Variants in CCDC186 observed in about 807,000 individuals in gnomAD.
CCDC186 encodes coiled-coil domain containing 186.
CCDC186 carries 49 observed loss-of-function variants against 113.7 expected under a neutral mutation model. The observed-to-expected ratio is 0.43, with a 90% CI of 0.34 to 0.55. The LOEUF is 0.55. CCDC186 is among the 20% of genes least tolerant of loss of function. The pLI, the probability that CCDC186 is intolerant of heterozygous loss-of-function variation, is 0.02. For synonymous variants in CCDC186, 355 were observed against 345.8 expected (o/e 1.03, Z -0.30); for missense variants, 890 against 1,011.1 (o/e 0.88, Z 1.62).
intron 13 of CCDC186, among the ~76,000 whole-genome samples, chr10:114,128,244 A>C (rs1045672833): frequency 6.6e-6 from 1 of 152,224 alleles, no homozygotes; most frequent in African/African-American, 2.4e-5. Context: ...AGCATTATGT[A>C]GTGTTAGGTA....
At chr10:114,165,641 G>T (rs769850506) in intron 1 of CCDC186, among the ~76,000 whole-genome samples, 3 of 152,196 alleles carry the variant, frequency 2.0e-5, no homozygotes, top group Non-Finnish European at 2.9e-5. Flanking sequence ...AGTGAGCCAA[G>T]ATTGCGCCAC....
Position 114,131,344 on chromosome 10 carries a change from G to A in CCDC186, c.1912-8C>T, listed in dbSNP as rs749565293. 7 of 1,537,744 alleles carry A rather than the reference G, an allele frequency of 4.6e-6. No individual in the cohort carries two copies. The highest frequency in any genetic ancestry group is 2.4e-5 in the East Asian group (1 of 41,240). The stretch of plus-strand genomic sequence containing the variant: ...TTTCAACAACCTACTTTCCTGAATA[G>A]TAAGTAAAACAAAAACCACCAATTT... On this transcript the variant is annotated splice_region_variant and splice_polypyrimidine_tract_variant and intron_variant, in intron 11 of 15. Transcript: ENST00000369287.
At chr10:114,159,036 C>T (rs75421292) in intron 2 of CCDC186, among the ~76,000 whole-genome samples, 1,952 of 152,236 alleles carry the variant, frequency 0.013, 40 homozygotes, top group African/African-American at 0.044. Context: ...GAGCGAAAAG[C>T]CAGAGAGTGA....
intron 1 of CCDC186, among the ~76,000 whole-genome samples, chr10:114,166,551 C>T (rs2032340614): frequency 6.6e-6 from 1 of 152,338 alleles, no homozygotes; most frequent in African/African-American, 2.4e-5. Context: ...TGTACTTGCA[C>T]GAAGATGGAA....
At chr10:114,152,580 G>A (rs963924996) in intron 3 of CCDC186, among the ~76,000 whole-genome samples, 4 of 152,148 alleles carry the variant, frequency 2.6e-5, no homozygotes, top group African/African-American at 9.7e-5. Context: ...GGCAGTGAAG[G>A]AGGAATAGGG....
At chr10:114,146,427 T>C (rs777743687) in intron 4 of CCDC186, among the ~76,000 whole-genome samples, 22 of 152,346 alleles carry the variant, frequency 1.4e-4, no homozygotes, top group Admixed American at 8.5e-4. Flanking sequence ...CCTGACTGTA[T>C]AGCCGACAAT....
Position 114,137,706 on chromosome 10 carries a change from C to T in CCDC186, c.1222-416G>A, listed in dbSNP as rs142970008. Among the ~76,000 whole-genome samples the T allele has an allele frequency of 3.6e-3, 552 of 152,058 alleles. 7 individuals carry two copies. The highest frequency in any genetic ancestry group is 0.012 in the African/African-American group (518 of 41,482). The stretch of plus-strand genomic sequence containing the variant: ...TAACCTAAGATCAGGAACTTGAGAC[C>T]AGCCTGACCAGCATGGTGAAACCCC... On this transcript the variant is annotated intron_variant, in intron 6 of 15. Coordinates refer to ENST00000369287, the MANE Select transcript of CCDC186 (RefSeq NM_018017.4).
intron 1 of CCDC186, among the ~76,000 whole-genome samples, chr10:114,172,419 G>A (rs1041195542): frequency 6.6e-6 from 1 of 152,172 alleles, no homozygotes; most frequent in African/African-American, 2.4e-5. Flanking sequence ...AGCATTAAAG[G>A]ACAACTCTAC....
At chr10:114,159,640 CAAAAAA>C (rs34339225) in intron 2 of CCDC186, among the ~76,000 whole-genome samples, 2 of 55,492 alleles carry the variant, frequency 3.6e-5, no homozygotes, top group African/African-American at 6.1e-5. Flanking sequence ...GACTCCGTCT[CAAAAAA>C]AAAAAAAAAA....
rs543776594 is a variant in CCDC186 at position 114,122,466 on chromosome 10, T to C, written c.*2677A>G. 6 of 152,266 alleles carry C rather than the reference T, an allele frequency of 3.9e-5. No individual in the cohort carries two copies. Among genetic ancestry groups the C allele is most frequent in the African/African-American group, 1.4e-4 (6 of 41,560 alleles). 9.4% of individuals were successfully genotyped at this position (152,266 alleles called of 1,614,324 possible). A position where few individuals can be genotyped will look rare whatever the true frequency, so the allele number is the denominator to read the frequency against. On this transcript the variant is annotated 3_prime_UTR_variant, in exon 16 of 16. Coordinates refer to ENST00000369287, the MANE Select transcript of CCDC186 (RefSeq NM_018017.4). ...ATATTCACTTCAAAATTAAAACCTA[T>C]TGAAGTGTATACATATACATACACA...
intron 13 of CCDC186, 56 bp downstream of exon 13, chr10:114,129,835 T>C (rs1372758204): frequency 1.3e-6 from 2 of 1,545,030 alleles, no homozygotes; most frequent in Admixed American, 3.4e-5. Flanking sequence ...TGGCCAAAAA[T>C]GCTATTTATT....
At chr10:114,136,088 CTATTTCTCTTTCTGTA>C in intron 8 of CCDC186, 44 bp downstream of exon 8, 1 of 1,523,440 alleles carries the variant, frequency 6.6e-7, no homozygotes, top group Non-Finnish European at 9.1e-7. Flanking sequence ...TAAGTTCTCA[CTATTTCTCTTTCTGTA>C]TTTATTATGC....
At chr10:114,160,882 C>T (rs936181749) in intron 2 of CCDC186, among the ~76,000 whole-genome samples, 1 of 152,062 alleles carries the variant, frequency 6.6e-6, no homozygotes, top group Non-Finnish European at 1.5e-5. Context: ...AAAAATTAAC[C>T]TTGATTTAAA....
At chr10:114,155,325 G>T (rs1225323734) in intron 3 of CCDC186, among the ~76,000 whole-genome samples, 2 of 152,180 alleles carry the variant, frequency 1.3e-5, no homozygotes, top group African/African-American at 4.8e-5. Flanking sequence ...GCAACACTGA[G>T]CAATAGAAGT....
chr10:114,142,678 T>G (rs1157821958), intron 6 of CCDC186, among the ~76,000 whole-genome samples: 1 of 152,200 alleles, frequency 6.6e-6, no homozygotes, highest in Admixed American at 6.5e-5. Context: ...CACCTACTCT[T>G]AAGTTCTGGT....
At chr10:114,142,734 C>T (rs1046211209) in intron 6 of CCDC186, among the ~76,000 whole-genome samples, 2 of 152,140 alleles carry the variant, frequency 1.3e-5, no homozygotes, top group African/African-American at 2.4e-5. Context: ...CACAATGGAT[C>T]CAGTAAGCTA....
chr10:114,164,205 C>G (rs1322667974), intron 1 of CCDC186, among the ~76,000 whole-genome samples: 1 of 144,298 alleles, frequency 6.9e-6, no homozygotes, highest in African/African-American at 2.6e-5. Flanking sequence ...ACTGCTACCT[C>G]TGCCTCCCAG....
chr10:114,125,174 T>A lies in CCDC186; in HGVS notation c.2666A>T (p.His889Leu), dbSNP rs2030854205. Residue 889 changes from histidine to leucine, a missense_variant, in exon 16 of 16, where the codon CAT (histidine) becomes CTT (leucine). Physicochemically the swap from His to Leu is moderately conservative, Grantham distance 99. Coordinates refer to ENST00000369287, the MANE Select transcript of CCDC186 (RefSeq NM_018017.4). ...TEIERLIKHQ[H>L]ELEQRTKKT ...TTTCTTTGTCCTCTGTTCTAGTTCA[T>A]GCTGGTGTTTAATAAGACGTTCTAT... 1 of 1,611,098 alleles carries A rather than the reference T, an allele frequency of 6.2e-7. No individual in the cohort carries two copies. The highest frequency in any genetic ancestry group is 8.5e-7 in the Non-Finnish European group (1 of 1,178,694).
intron 6 of CCDC186, among the ~76,000 whole-genome samples, chr10:114,141,252 C>G (rs1000014741): frequency 2.0e-5 from 3 of 152,096 alleles, no homozygotes; most frequent in African/African-American, 7.2e-5. Flanking sequence ...TTTCCTGCCT[C>G]TTTGCATGCC....
Sources: allele counts gnomAD v4.1 joint callset (sites outside exome capture counted in the v4.1 genomes callset), GRCh38; gene constraint gnomAD v4.1.1; transcripts MANE v1.5; gene names NCBI Gene and HGNC (gene_info 2026-07-23, HGNC 2026-07-21).